VCL: variants seen among roughly 807,000 people sequenced by gnomAD.
VCL encodes vinculin, also known as epididymis luminal protein 114.
A neutral mutation model predicts 125.7 loss-of-function variants in VCL; 47 were observed. The observed-to-expected ratio is 0.37, with a 90% CI of 0.30 to 0.48. The LOEUF (loss-of-function observed/expected upper bound fraction) is 0.48, where lower values mean the gene tolerates loss of function less well. VCL is among the 20% of genes least tolerant of loss of function. The pLI is 0.99. For missense variants in VCL, 1,069 were observed against 1,455.5 expected (o/e 0.73, Z 4.32); for synonymous variants, 458 against 514.6 (o/e 0.89, Z 1.49).
chr10:74,002,372 G>T (rs986014775), intron 1 of VCL, among the ~76,000 whole-genome samples: 6 of 151,906 alleles, frequency 3.9e-5, no homozygotes, highest in African/African-American at 7.2e-5. Context: ...TTATCCGCCC[G>T]CCTCGGCCTC....
At chr10:74,089,630 G>A (rs1839845138) in intron 9 of VCL, among the ~76,000 whole-genome samples, 1 of 152,138 alleles carries the variant, frequency 6.6e-6, no homozygotes, top group African/African-American at 2.4e-5. Context: ...CAGTACATTG[G>A]AACTATTCCT....
At chr10:74,083,541 A>G in intron 8 of VCL, 28 bp downstream of exon 8, 1 of 1,612,408 alleles carries the variant, frequency 6.2e-7, no homozygotes, top group Non-Finnish European at 8.5e-7. Context: ...CTTACAGAGC[A>G]GTAGTGGGTA....
intron 1 of VCL, among the ~76,000 whole-genome samples, chr10:74,020,343 T>C (rs1203661971): frequency 1.3e-5 from 2 of 152,142 alleles, no homozygotes; most frequent in African/African-American, 4.8e-5. Flanking sequence ...ACCTTTTTGA[T>C]CTCACTTGGA....
chr10:74,114,599 C>T (rs1034254724), intron 20 of VCL, among the ~76,000 whole-genome samples, 196 bp from the exon 21 acceptor site: 8 of 151,532 alleles, frequency 5.3e-5, no homozygotes, highest in Non-Finnish European at 1.2e-4. Flanking sequence ...ACTTCCTAAT[C>T]AAATGAATGC....
At chr10:74,043,300 TAAA>T in intron 2 of VCL, 147 bp downstream of exon 2, 1 of 749,070 alleles carries the variant, frequency 1.3e-6, no homozygotes, top group South Asian at 1.7e-5. Flanking sequence ...CTAACTTTTT[TAAA>T]AAAACTGTTC....
chr10:74,119,978 C>T lies in VCL; in HGVS notation c.*1809C>T. Reference sequence around the variant, plus strand: ...ACTTTATGCCGGATGTGCTTTTCTCCAATATCAGTGCTCGAGACACAGTGA... The same window carrying T: ...ACTTTATGCCGGATGTGCTTTTCTCTAATATCAGTGCTCGAGACACAGTGA... On this transcript the variant is annotated 3_prime_UTR_variant, in exon 22 of 22. Transcript: ENST00000211998. 1 of 141,300 alleles carries T rather than the reference C, an allele frequency of 7.1e-6. No individual in the cohort carries two copies. The highest frequency in any genetic ancestry group is 7.5e-5 in the Admixed American group (1 of 13,418). 8.8% of individuals were successfully genotyped at this position (141,300 alleles called of 1,614,324 possible). A position where few individuals can be genotyped will look rare whatever the true frequency, so the allele number is the denominator to read the frequency against.
chr10:74,067,865 A>G (rs1375139343), intron 2 of VCL, among the ~76,000 whole-genome samples: 1 of 152,192 alleles, frequency 6.6e-6, no homozygotes, highest in Non-Finnish European at 1.5e-5. Flanking sequence ...CTTAATGAGT[A>G]TTGCGTGTTT....
chr10:74,057,767 A>G (rs528951000), intron 2 of VCL, among the ~76,000 whole-genome samples: 14 of 152,118 alleles, frequency 9.2e-5, no homozygotes, highest in Non-Finnish European at 1.3e-4. Flanking sequence ...CCCCATCTCT[A>G]TTAAAAATAC....
intron 1 of VCL, among the ~76,000 whole-genome samples, chr10:74,013,004 A>C (rs755247475): frequency 6.6e-6 from 1 of 152,226 alleles, no homozygotes; most frequent in Non-Finnish European, 1.5e-5. Flanking sequence ...ACTGTTTAAC[A>C]TATCTCCCCA....
chr10:74,003,279 A>C (rs1365133134), intron 1 of VCL, among the ~76,000 whole-genome samples: 1 of 152,104 alleles, frequency 6.6e-6, no homozygotes, highest in Non-Finnish European at 1.5e-5. Flanking sequence ...CCAATTCAAT[A>C]ATGAAACAAG....
intron 9 of VCL, 87 bp downstream of exon 9, chr10:74,089,436 A>G: frequency 6.3e-7 from 1 of 1,576,590 alleles, no homozygotes; most frequent in South Asian, 1.1e-5. Flanking sequence ...TCTGTCTCTT[A>G]TCATTTACTG....
intron 1 of VCL, among the ~76,000 whole-genome samples, chr10:74,000,098 G>A (rs1337662570): frequency 6.6e-6 from 1 of 152,092 alleles, no homozygotes; most frequent in Non-Finnish European, 1.5e-5. Flanking sequence ...GTTATTTATG[G>A]GCTTCCATGC....
At chr10:74,038,700 G>A (rs747988472) in intron 1 of VCL, among the ~76,000 whole-genome samples, 2 of 152,034 alleles carry the variant, frequency 1.3e-5, no homozygotes, top group Non-Finnish European at 2.9e-5. Flanking sequence ...CTTACAAAGA[G>A]GCATCAATTA....
At chr10:74,090,234 T>G in intron 10 of VCL, 36 bp downstream of exon 10, 1 of 1,609,194 alleles carries the variant, frequency 6.2e-7, no homozygotes, top group South Asian at 1.1e-5. Flanking sequence ...TTTTCATATC[T>G]TTTCTTCTCT....
rs1169961162 is a variant in VCL at position 73,998,336 on chromosome 10, C to T, written c.129C>T (p.Pro43=). The change falls in exon 1 of 22, where the codon CCC becomes CCT. Residue 43 remains proline, a synonymous_variant. Transcript: ENST00000211998. ...DGKAIPDLTA[P]VAAVQAAVSN... is the part of the protein sequence containing the mutation. The stretch of plus-strand genomic sequence containing the variant: ...AAGCCATTCCTGACCTCACCGCGCC[C>T]GTGGCCGCCGTGCAGGCGGCCGTCA... 1.3e-6 allele frequency: 2 copies of T among 1,556,682 alleles called. No homozygotes were observed. The highest frequency in any genetic ancestry group is 2.5e-5 in the East Asian group (1 of 40,790).
chr10:74,114,930 G>T, intron 21 of VCL, 31 bp downstream of exon 21: 1 of 1,555,330 alleles, frequency 6.4e-7, no homozygotes, highest in Non-Finnish European at 8.7e-7. Flanking sequence ...GTTTCTGGCT[G>T]GCAGCTTCTG....
intron 1 of VCL, among the ~76,000 whole-genome samples, chr10:74,002,405 G>A (rs923956807): frequency 1.3e-5 from 2 of 150,642 alleles, no homozygotes; most frequent in South Asian, 2.1e-4. Flanking sequence ...GATTACAGGC[G>A]TGAGCCACCA....
intron 12 of VCL, among the ~76,000 whole-genome samples, chr10:74,096,376 T>TGAAA (rs1554818404): frequency 6.6e-6 from 1 of 152,048 alleles, no homozygotes; most frequent in Non-Finnish European, 1.5e-5. Flanking sequence ...AATAAATAAA[T>TGAAA]GAAAGAAAAC....
intron 1 of VCL, among the ~76,000 whole-genome samples, chr10:74,001,558 C>G (rs554292190): frequency 9.9e-5 from 15 of 151,946 alleles, no homozygotes; most frequent in Non-Finnish European, 2.2e-4. Flanking sequence ...GGAAGGGAGA[C>G]AAATTGGGAA....
Sources: allele counts gnomAD v4.1 joint callset (sites outside exome capture counted in the v4.1 genomes callset), GRCh38; gene constraint gnomAD v4.1.1; transcripts MANE v1.5; gene names NCBI Gene and HGNC (gene_info 2026-07-23, HGNC 2026-07-21).